The following RIC8B variants were observed in gnomAD, a reference collection of about 807,000 sequenced individuals.
RIC8B encodes the protein chaperone Ric-8B.
RIC8B carries 16 observed loss-of-function variants against 57.5 expected under a neutral mutation model. The ratio of observed to expected loss-of-function variants is 0.28; its 90% CI spans 0.19 to 0.42. The LOEUF is 0.42. Among genes scored for constraint, RIC8B ranks in the 10% least tolerant of loss-of-function variants. The pLI, the probability that RIC8B is intolerant of heterozygous loss-of-function variation, is 1.00. For synonymous variants in RIC8B, 216 were observed against 250.8 expected (o/e 0.86, Z 1.31); for missense variants, 481 against 677.0 (o/e 0.71, Z 3.21).
At chr12:106,860,439 A>G (rs763379106) in intron 8 of RIC8B, 27 bp downstream of exon 8, 1 of 1,478,578 alleles carries the variant, frequency 6.8e-7, no homozygotes, top group East Asian at 2.5e-5. Flanking sequence ...CTTTTCACCT[A>G]ACTATGGCTG....
intron 4 of RIC8B, among the ~76,000 whole-genome samples, chr12:106,826,678 C>T (rs890249806): frequency 6.6e-6 from 1 of 152,206 alleles, no homozygotes; most frequent in African/African-American, 2.4e-5. Flanking sequence ...AACACTGAAC[C>T]TGGGAGGTGG....
chr12:106,788,827 A>G (rs988336141), intron 2 of RIC8B, among the ~76,000 whole-genome samples: 1 of 152,198 alleles, frequency 6.6e-6, no homozygotes, highest in Non-Finnish European at 1.5e-5. Flanking sequence ...ATTAAGACCT[A>G]TGACATGCCC....
chr12:106,806,835 A>C (rs1406732813), intron 2 of RIC8B, among the ~76,000 whole-genome samples: 1 of 152,182 alleles, frequency 6.6e-6, no homozygotes, highest in African/African-American at 2.4e-5. Context: ...TCAAAAATAA[A>C]TAAATAAATA....
At chr12:106,838,902 A>G (rs1312833094) in intron 4 of RIC8B, among the ~76,000 whole-genome samples, 1 of 152,074 alleles carries the variant, frequency 6.6e-6, no homozygotes, top group Non-Finnish European at 1.5e-5. Flanking sequence ...GCAAACAGAC[A>G]ACAGGTACAT....
At chr12:106,868,896 C>T (rs1051566649) in intron 8 of RIC8B, among the ~76,000 whole-genome samples, 1 of 147,614 alleles carries the variant, frequency 6.8e-6, no homozygotes, top group African/African-American at 2.5e-5. Context: ...GCTCTGTCAC[C>T]CAAGCTTTTT....
chr12:106,775,428 A>C (rs2043421308), intron 1 of RIC8B: 14 of 451,934 alleles, frequency 3.1e-5, no homozygotes, highest in South Asian at 2.2e-4. Context: ...ATAATGTTGT[A>C]AGTGGGTGGA....
At chr12:106,847,428 C>A (rs1949251479) in intron 6 of RIC8B, among the ~76,000 whole-genome samples, 1 of 152,140 alleles carries the variant, frequency 6.6e-6, no homozygotes, top group African/African-American at 2.4e-5. Context: ...TTACATGTTT[C>A]ATTCTTCTAG....
rs3214394 is a variant in RIC8B, at chr12:106,886,240, CA to C, written c.*226del. 18 of 437,646 alleles carry C rather than the reference CA, an allele frequency of 4.1e-5. No homozygotes were observed. In the East Asian group the frequency reaches 6.5e-4, roughly 16 times the overall value. 27.1% of individuals were successfully genotyped at this position (437,646 alleles called of 1,614,324 possible). A position where few individuals can be genotyped will look rare whatever the true frequency, so the allele number is the denominator to read the frequency against. ...TAGACGGGGTTACGGGGGCTAAAAG[CA>C]GAAAAAAAATTCCATTTCATCGGGA... is the stretch of plus-strand genomic sequence containing the variant. On this transcript the variant is annotated 3_prime_UTR_variant, in exon 10 of 10. Transcript: ENST00000392837.
At chr12:106,783,396 AT>A (rs1212722844) in intron 1 of RIC8B, among the ~76,000 whole-genome samples, 10 of 152,302 alleles carry the variant, frequency 6.6e-5, no homozygotes, top group Admixed American at 6.5e-4. Context: ...TTAAACTCTT[AT>A]TCTTATTGAA....
At chr12:106,862,032 G>A (rs902393294) in intron 8 of RIC8B, among the ~76,000 whole-genome samples, 1 of 152,076 alleles carries the variant, frequency 6.6e-6, no homozygotes, top group Non-Finnish European at 1.5e-5. Flanking sequence ...ATGTTACATT[G>A]TGGAAGTGAT....
chr12:106,785,791 C>A (rs992787500), intron 2 of RIC8B, among the ~76,000 whole-genome samples: 1 of 117,048 alleles, frequency 8.5e-6, no homozygotes, highest in African/African-American at 3.3e-5. Context: ...CTATGTCTCT[C>A]TCTCTCTCTC....
At chr12:106,795,446 G>A (rs1432319152) in intron 2 of RIC8B, among the ~76,000 whole-genome samples, 5 of 152,138 alleles carry the variant, frequency 3.3e-5, no homozygotes, top group Admixed American at 6.5e-5. Context: ...AGCCAGCAGC[G>A]GATGTGCCAG....
At chr12:106,883,490 C>A (rs550902494) in intron 9 of RIC8B, among the ~76,000 whole-genome samples, 53 of 152,154 alleles carry the variant, frequency 3.5e-4, no homozygotes, top group Middle Eastern at 3.4e-3. Context: ...ATCAGAATCT[C>A]CCCACCAAAT....
At chr12:106,849,844 C>T (rs1271564627) in intron 6 of RIC8B, among the ~76,000 whole-genome samples, 1 of 152,136 alleles carries the variant, frequency 6.6e-6, no homozygotes, top group Non-Finnish European at 1.5e-5. Flanking sequence ...TTATTTAAAT[C>T]TATTAGTTTC....
chr12:106,818,986 G>A (rs1311733058), intron 3 of RIC8B, among the ~76,000 whole-genome samples: 2 of 152,020 alleles, frequency 1.3e-5, no homozygotes, highest in Non-Finnish European at 2.9e-5. Flanking sequence ...GGCTGGTCTC[G>A]AACTCCCGAC....
intron 9 of RIC8B, among the ~76,000 whole-genome samples, chr12:106,880,929 T>C (rs1391850651): frequency 1.3e-5 from 2 of 152,206 alleles, no homozygotes; most frequent in African/African-American, 4.8e-5. Flanking sequence ...TGAAAGTGAA[T>C]GTGTACCCAG....
At chr12:106,874,997 A>T (rs1950599482) in intron 9 of RIC8B, among the ~76,000 whole-genome samples, 1 of 152,150 alleles carries the variant, frequency 6.6e-6, no homozygotes, top group Non-Finnish European at 1.5e-5. Flanking sequence ...TGATGAAATA[A>T]TGAAAATAGC....
At chr12:106,780,092 G>GAA (rs2043698011) in intron 1 of RIC8B, among the ~76,000 whole-genome samples, 1 of 151,910 alleles carries the variant, frequency 6.6e-6, no homozygotes, top group Non-Finnish European at 1.5e-5. Flanking sequence ...TGTGACTAAG[G>GAA]GCCCTGAGGT....
chr12:106,830,689 A>G (rs1278067126), intron 4 of RIC8B, among the ~76,000 whole-genome samples: 1 of 152,152 alleles, frequency 6.6e-6, no homozygotes, highest in African/African-American at 2.4e-5. Context: ...AGGACTTCAC[A>G]ATGCATACCT....
Sources: allele counts gnomAD v4.1 joint callset (sites outside exome capture counted in the v4.1 genomes callset), GRCh38; gene constraint gnomAD v4.1.1; transcripts MANE v1.5; gene names NCBI Gene and HGNC (gene_info 2026-07-23, HGNC 2026-07-21).